Variants in HOOK3 observed in about 807,000 individuals in gnomAD.
HOOK3 encodes the protein hook microtubule tethering protein 3.
HOOK3 carries 24 observed loss-of-function variants against 116.3 expected under a neutral mutation model. The ratio of observed to expected loss-of-function variants is 0.21; its 90% CI spans 0.15 to 0.29. HOOK3 has a LOEUF of 0.29. Ranked by LOEUF, HOOK3 falls within the 10% of genes least tolerant of loss-of-function variation. HOOK3 has a pLI of 1.00. For missense variants in HOOK3, 632 were observed against 830.2 expected, an observed-to-expected ratio of 0.76 and a Z score of 2.93; for synonymous variants, 275 against 283.0, an observed-to-expected ratio of 0.97 and a Z score of 0.28.
chr8:42,920,172 T>C (rs1054981328), intron 2 of HOOK3, among the ~76,000 whole-genome samples: 5 of 152,188 alleles, frequency 3.3e-5, no homozygotes, highest in Non-Finnish European at 5.9e-5. Context: ...AGCATCTTAC[T>C]CATGAAGAGC....
At chr8:43,004,430 C>G (rs1334055356) in intron 17 of HOOK3, among the ~76,000 whole-genome samples, 1 of 150,048 alleles carries the variant, frequency 6.7e-6, no homozygotes, top group African/African-American at 2.5e-5. Context: ...CCTGTAATCC[C>G]AGCACTTTGG....
intron 2 of HOOK3, among the ~76,000 whole-genome samples, chr8:42,922,117 A>AAT (rs1235902771): frequency 1.7e-4 from 26 of 152,320 alleles, no homozygotes; most frequent in African/African-American, 6.3e-4. Context: ...TATAGACCTA[A>AAT]ATATAAGAGC....
At chr8:42,935,537 G>T in intron 4 of HOOK3, among the ~76,000 whole-genome samples, 1 of 152,134 alleles carries the variant, frequency 6.6e-6, no homozygotes, top group Non-Finnish European at 1.5e-5. Context: ...TTACATTTAA[G>T]TCTTTAATCC....
intron 4 of HOOK3, among the ~76,000 whole-genome samples, chr8:42,935,402 T>G (rs1339317451): frequency 6.6e-6 from 1 of 152,144 alleles, no homozygotes; most frequent in Non-Finnish European, 1.5e-5. Flanking sequence ...TTCTTAGATC[T>G]CATTTGTCAA....
chr8:42,918,828 C>G (rs1807583891), intron 2 of HOOK3, among the ~76,000 whole-genome samples: 1 of 152,342 alleles, frequency 6.6e-6, no homozygotes. Flanking sequence ...TCTACTTCTA[C>G]ACAGACACAG....
At chr8:42,996,385 CAAAAAAAAAAA>C (rs529268164) in intron 15 of HOOK3, among the ~76,000 whole-genome samples, 1 of 55,948 alleles carries the variant, frequency 1.8e-5, no homozygotes, top group African/African-American at 5.8e-5. Flanking sequence ...GACTCCGTCT[CAAAAAAAAAAA>C]AAAAAAAGAA....
chr8:42,980,034 G>C (rs1169611609), intron 13 of HOOK3, among the ~76,000 whole-genome samples: 2 of 144,300 alleles, frequency 1.4e-5, no homozygotes, highest in African/African-American at 5.2e-5. Context: ...TGCGATCTCT[G>C]CTCACTGCAA....
At chr8:43,014,647 C>G (rs1373025604) in intron 21 of HOOK3, among the ~76,000 whole-genome samples, 1 of 152,092 alleles carries the variant, frequency 6.6e-6, no homozygotes, top group Non-Finnish European at 1.5e-5. Flanking sequence ...CCGCACCCAG[C>G]CCCAGATTCC....
At chr8:42,991,928 A>G (rs1250285347) in intron 15 of HOOK3, among the ~76,000 whole-genome samples, 4 of 152,160 alleles carry the variant, frequency 2.6e-5, no homozygotes, top group East Asian at 1.9e-4. Context: ...ATTCATGAAC[A>G]TAGAATATCT....
chr8:42,945,911 A>G (rs1392952981), intron 5 of HOOK3, among the ~76,000 whole-genome samples: 2 of 152,114 alleles, frequency 1.3e-5, no homozygotes, highest in Non-Finnish European at 2.9e-5. Context: ...TGATATATAG[A>G]TAATAATATA....
chr8:42,993,583 A>G (rs1180657351), intron 15 of HOOK3, among the ~76,000 whole-genome samples: 1 of 152,178 alleles, frequency 6.6e-6, no homozygotes, highest in Admixed American at 6.5e-5. Context: ...TAGGATTGGT[A>G]TAAGTTCTTC....
At chr8:43,004,723 C>T (rs1586630724) in intron 17 of HOOK3, among the ~76,000 whole-genome samples, 1 of 142,342 alleles carries the variant, frequency 7.0e-6, no homozygotes, top group African/African-American at 2.6e-5. Flanking sequence ...GACCATTTTA[C>T]ACATCAAATT....
chr8:43,019,002 T>A lies in HOOK3; in HGVS notation c.*504T>A, dbSNP rs1809770746. 1 of 208,938 alleles carries A rather than the reference T, an allele frequency of 4.8e-6. No homozygotes were observed. The highest frequency in any genetic ancestry group is 2.3e-5 in the African/African-American group (1 of 44,014). 12.9% of individuals were successfully genotyped at this position (208,938 alleles called of 1,614,324 possible). On this transcript the variant is annotated 3_prime_UTR_variant, in exon 22 of 22. Transcript: ENST00000307602. ...TACTATACAAAATGGTTGACAAGTGTTCTTTTTGCAAAGACTTGAATACAT... is the reference window on the plus strand; with the variant it reads ...TACTATACAAAATGGTTGACAAGTGATCTTTTTGCAAAGACTTGAATACAT...
chr8:42,991,353 TG>T (rs2130458766), intron 15 of HOOK3, among the ~76,000 whole-genome samples: 1 of 152,194 alleles, frequency 6.6e-6, no homozygotes, highest in South Asian at 2.1e-4. Flanking sequence ...TGATAGGGAT[TG>T]TTTTGAATCT....
chr8:42,983,763 G>A (rs750778862), intron 14 of HOOK3, among the ~76,000 whole-genome samples: 2 of 152,064 alleles, frequency 1.3e-5, no homozygotes, highest in African/African-American at 2.4e-5. Context: ...GGTGTAAGCC[G>A]CCGCACCCAG....
intron 11 of HOOK3, 137 bp downstream of exon 11, chr8:42,968,351 A>G (rs1808669557): frequency 3.3e-6 from 2 of 614,938 alleles, no homozygotes; most frequent in Non-Finnish European, 5.6e-6. Context: ...CATTTAGGAG[A>G]CTGAGTCTCA....
At chr8:42,957,221 G>A in intron 7 of HOOK3, 65 bp downstream of exon 7, 1 of 886,698 alleles carries the variant, frequency 1.1e-6, no homozygotes, top group Non-Finnish European at 1.7e-6. Flanking sequence ...AGATGTTAAT[G>A]AGAAGAATGG....
At position 42,938,217 on chromosome 8, in the gene HOOK3, C is replaced by CTTTTTTTTTTTTTTTTTTTTTTTTTT. The variant is rs145868661; in HGVS notation, c.268-5081_268-5080insTTTTTTTTTTTTTTTTTTTTTTTTTT. Among the ~76,000 whole-genome samples, 7 of 132,292 alleles carry CTTTTTTTTTTTTTTTTTTTTTTTTTT rather than the reference C, an allele frequency of 5.3e-5. 1 individual carries two copies. The highest frequency in any genetic ancestry group is 1.4e-4 in the African/African-American group (5 of 34,736). The allele number at this position is 132,292 out of a possible 152,430, so 86.8% of individuals were successfully genotyped here. On this transcript the variant is annotated intron_variant, in intron 4 of 21. Coordinates refer to ENST00000307602, the MANE Select transcript of HOOK3 (RefSeq NM_032410.4). ...TCAGAGACTAGCATTGCAACCCCTG[C>CTTTTTTTTTTTTTTTTTTTTTTTTTT]TTTTTTTTTTTTTTTGCTTTCCATT...
rs564641926 is a variant in HOOK3, at chr8:42,969,368, G to T, written c.1122+1154G>T. 5.9e-5 allele frequency among the ~76,000 whole-genome samples: 9 copies of T among 152,338 alleles called. No individual in the cohort carries two copies. In the East Asian group the frequency reaches 1.5e-3, roughly 26 times the overall value. On this transcript the variant is annotated intron_variant, in intron 11 of 21. Coordinates refer to ENST00000307602, the MANE Select transcript of HOOK3 (RefSeq NM_032410.4). ...TGGCCTGGCACAGTGTCTCACGCCT[G>T]TAATCTCAACACTTTGGGAGGCTGA... is the stretch of plus-strand genomic sequence containing the variant.
Sources: allele counts gnomAD v4.1 joint callset (sites outside exome capture counted in the v4.1 genomes callset), GRCh38; gene constraint gnomAD v4.1.1; transcripts MANE v1.5; gene names NCBI Gene and HGNC (gene_info 2026-07-23, HGNC 2026-07-21).